CERS6: variants seen among roughly 807,000 people sequenced by gnomAD.
CERS6 encodes ceramide synthase 6.
A neutral mutation model predicts 56.8 loss-of-function variants in CERS6; 26 were observed. The observed-to-expected ratio is 0.46, with a 90% CI of 0.34 to 0.63. CERS6 has a LOEUF of 0.63. Ranked by LOEUF, CERS6 falls within the 30% of genes least tolerant of loss-of-function variation. The pLI is 0.01. For missense variants in CERS6, 415 were observed against 467.5 expected (o/e 0.89, Z 1.04); for synonymous variants, 164 against 173.3 (o/e 0.95, Z 0.42).
At chr2:168,517,208 G>A (rs2105353986) in intron 1 of CERS6, among the ~76,000 whole-genome samples, 1 of 151,786 alleles carries the variant, frequency 6.6e-6, no homozygotes, top group Middle Eastern at 3.4e-3. Context: ...AAAACAAGCA[G>A]AGGCCGGGCA....
intron 3 of CERS6, among the ~76,000 whole-genome samples, chr2:168,575,353 C>T (rs923525379): frequency 6.6e-6 from 1 of 152,014 alleles, no homozygotes; most frequent in Non-Finnish European, 1.5e-5. Context: ...AGGAAACTTA[C>T]AATCATGGCA....
intron 1 of CERS6, among the ~76,000 whole-genome samples, chr2:168,526,200 T>G (rs1372439163): frequency 6.6e-6 from 1 of 152,228 alleles, no homozygotes; most frequent in Non-Finnish European, 1.5e-5. Context: ...AAGTGAATAT[T>G]TCATTCTGTT....
rs182119560 is a variant in CERS6 at position 168,745,367 on chromosome 2, G to A, written c.846-20225G>A. Among the ~76,000 whole-genome samples the A allele has an allele frequency of 8.7e-3, 1,326 of 151,764 alleles. 25 individuals carry two copies. Among genetic ancestry groups the A allele is most frequent in the African/African-American group, 0.03 (1,234 of 41,362 alleles). On this transcript the variant is annotated intron_variant, in intron 8 of 9. Transcript: ENST00000305747. ...CGCCATTCTCCTGCCTCAGCCTCCC[G>A]AGTAGCTGGGACTACAGGCGCCCAC...
chr2:168,733,010 A>G (rs1683593655), intron 8 of CERS6, among the ~76,000 whole-genome samples: 1 of 152,164 alleles, frequency 6.6e-6, no homozygotes, highest in Non-Finnish European at 1.5e-5. Context: ...GCTTAATATG[A>G]TCTACATCAG....
intron 4 of CERS6, among the ~76,000 whole-genome samples, chr2:168,653,743 A>G (rs1279258122): frequency 1.3e-5 from 2 of 152,186 alleles, no homozygotes; most frequent in Non-Finnish European, 2.9e-5. Context: ...CAACACTAAC[A>G]ACTGTGACAG....
At chr2:168,459,577 G>A (rs1558957335) in intron 1 of CERS6, among the ~76,000 whole-genome samples, 1 of 151,982 alleles carries the variant, frequency 6.6e-6, no homozygotes, top group Non-Finnish European at 1.5e-5. Flanking sequence ...CTTAACTCCG[G>A]GTAAGGACCA....
intron 4 of CERS6, among the ~76,000 whole-genome samples, chr2:168,678,572 A>G (rs1238563817): frequency 6.6e-6 from 1 of 152,150 alleles, no homozygotes; most frequent in Non-Finnish European, 1.5e-5. Flanking sequence ...CAATGTAGGA[A>G]TGAGAAGACC....
At chr2:168,664,392 G>T (rs189310449) in intron 4 of CERS6, among the ~76,000 whole-genome samples, 73 of 152,220 alleles carry the variant, frequency 4.8e-4, no homozygotes, top group African/African-American at 1.7e-3. Flanking sequence ...TTACAAAAAA[G>T]GGGTCCCAAT....
At chr2:168,614,859 A>G (rs1042794938) in intron 3 of CERS6, among the ~76,000 whole-genome samples, 1 of 152,066 alleles carries the variant, frequency 6.6e-6, no homozygotes, top group African/African-American at 2.4e-5. Flanking sequence ...GATGCTCCCT[A>G]TATTACCACA....
intron 3 of CERS6, among the ~76,000 whole-genome samples, chr2:168,566,137 A>G (rs1695879371): frequency 6.6e-6 from 1 of 152,200 alleles, no homozygotes; most frequent in South Asian, 2.1e-4. Context: ...AGTATCGTGC[A>G]GTACATTTCA....
At position 168,541,406 on chromosome 2, in the gene CERS6, A is replaced by C. The variant is rs905826841; in HGVS notation, c.171-6190A>C. ...TGTCTCCTTTTTCCCTGTGACTCTAATTACCCACATGTTAGATTTTGAACA... is the reference window on the plus strand; with the variant it reads ...TGTCTCCTTTTTCCCTGTGACTCTACTTACCCACATGTTAGATTTTGAACA... On this transcript the variant is annotated intron_variant, in intron 1 of 9. Transcript: ENST00000305747. Among the ~76,000 whole-genome samples, 5 of 151,958 alleles carry C rather than the reference A, an allele frequency of 3.3e-5. 1 individual carries two copies. The highest frequency in any genetic ancestry group is 1.3e-4 in the Admixed American group (2 of 15,270).
At position 168,731,222 on chromosome 2, in the gene CERS6, C is replaced by G. The variant is rs149511402; in HGVS notation, c.845+13244C>G. On this transcript the variant is annotated intron_variant, in intron 8 of 9. Transcript: ENST00000305747. ...TGGGATTGTTTCCCAAAATAACATC[C>G]AGAGAGTGCCCTGAGTCACTTCTGT... is the stretch of plus-strand genomic sequence containing the variant. 4.7e-3 allele frequency among the ~76,000 whole-genome samples: 712 copies of G among 152,196 alleles called. 9 individuals carry two copies. The highest frequency in any genetic ancestry group is 0.023 in the Admixed American group (355 of 15,276).
intron 4 of CERS6, among the ~76,000 whole-genome samples, chr2:168,645,181 A>AGAGAGAGAGT (rs1685165110): frequency 4.1e-5 from 5 of 120,670 alleles, no homozygotes; most frequent in Non-Finnish European, 6.7e-5. Flanking sequence ...AGAGAGAGAG[A>AGAGAGAGAGT]GAGAGAGAGT....
intron 9 of CERS6, among the ~76,000 whole-genome samples, chr2:168,766,651 G>T (rs1684739583): frequency 6.6e-6 from 1 of 152,228 alleles, no homozygotes. Flanking sequence ...CAGGTTTAAT[G>T]TGTTGGCTAA....
intron 4 of CERS6, among the ~76,000 whole-genome samples, chr2:168,660,740 T>C (rs1262907525): frequency 2.6e-5 from 4 of 152,224 alleles, no homozygotes; most frequent in African/African-American, 4.8e-5. Context: ...GCATAGTCTT[T>C]TTTATTATTT....
chr2:168,758,854 G>T (rs1040852891), intron 8 of CERS6, among the ~76,000 whole-genome samples: 4 of 152,006 alleles, frequency 2.6e-5, no homozygotes, highest in Non-Finnish European at 5.9e-5. Context: ...CAGGTTGCAG[G>T]GTAAAGCATA....
chr2:168,484,026 T>A (rs531135654), intron 1 of CERS6, among the ~76,000 whole-genome samples: 3 of 152,306 alleles, frequency 2.0e-5, no homozygotes, highest in Middle Eastern at 3.4e-3. Flanking sequence ...ATTCAAAATA[T>A]TGTACCAGTA....
In CERS6 at chr2:168,552,349, TACACACACACACAC is replaced by T. The variant is rs56340726; in HGVS notation, c.276+4677_276+4690del. Reference sequence around the variant, plus strand: ...AAACCCCCACCCTACATACAGAGTATACACACACACACACACACACACACACACACACACACACA... The same window carrying T: ...AAACCCCCACCCTACATACAGAGTATACACACACACACACACACACACACA... On this transcript the variant is annotated intron_variant, in intron 2 of 9. Coordinates refer to ENST00000305747, the MANE Select transcript of CERS6 (RefSeq NM_203463.3). Among the ~76,000 whole-genome samples the T allele has an allele frequency of 3.8e-3, 526 of 140,096 alleles. 4 individuals carry two copies. Among genetic ancestry groups the T allele is most frequent in the African/African-American group, 0.013 (492 of 37,108 alleles). 91.9% of individuals were successfully genotyped at this position (140,096 alleles called of 152,430 possible). A position where few individuals can be genotyped will look rare whatever the true frequency, so the allele number is the denominator to read the frequency against.
intron 3 of CERS6, among the ~76,000 whole-genome samples, chr2:168,618,418 A>C (rs1212751557): frequency 6.6e-6 from 1 of 152,218 alleles, no homozygotes; most frequent in Admixed American, 6.5e-5. Context: ...AGGCATCCAA[A>C]TCAGTCACAA....
Sources: gnomAD v4.1 joint callset for allele counts (sites outside exome capture counted in the v4.1 genomes callset) on GRCh38, gnomAD v4.1.1 for gene constraint, MANE v1.5 for transcripts, NCBI Gene and HGNC (gene_info 2026-07-23, HGNC 2026-07-21) for gene names.